The following CNTN5 variants were observed in gnomAD, a reference collection of about 807,000 sequenced individuals.
The protein encoded by CNTN5 is contactin 5, also known as contactin-5.
CNTN5 carries 77 observed loss-of-function variants against 129.1 expected under a neutral mutation model. That is an observed-to-expected ratio of 0.60 (90% CI 0.50 to 0.72). CNTN5 has a LOEUF of 0.72. CNTN5 is among the 30% of genes least tolerant of loss of function. The pLI is 0.00. For synonymous variants in CNTN5, 509 were observed against 465.6 expected (o/e 1.09, Z -1.20); for missense variants, 1,478 against 1,328.8 (o/e 1.11, Z -1.75).
At chr11:100,140,083 C>T (rs1464756091) in intron 13 of CNTN5, among the ~76,000 whole-genome samples, 2 of 152,050 alleles carry the variant, frequency 1.3e-5, no homozygotes, top group Non-Finnish European at 2.9e-5. Context: ...AAGGGCATCC[C>T]TTAACAGTGA....
intron 3 of CNTN5, among the ~76,000 whole-genome samples, chr11:99,754,001 A>T (rs917456913): frequency 2.0e-5 from 2 of 100,840 alleles, no homozygotes; most frequent in African/African-American, 6.9e-5. Flanking sequence ...AAAAAAAAAT[A>T]AATAACAACA....
chr11:100,248,481 A>G (rs1276908082), intron 16 of CNTN5, among the ~76,000 whole-genome samples: 1 of 152,074 alleles, frequency 6.6e-6, no homozygotes, highest in Non-Finnish European at 1.5e-5. Flanking sequence ...AGGAGGTCAA[A>G]GCAAGAGTGA....
At chr11:100,287,834 C>G (rs964281901) in intron 18 of CNTN5, among the ~76,000 whole-genome samples, 4 of 152,040 alleles carry the variant, frequency 2.6e-5, no homozygotes, top group Admixed American at 6.6e-5. Context: ...AGAGTCAAGA[C>G]CCATCAGTGT....
At chr11:99,045,386 A>T (rs1296642996) in intron 1 of CNTN5, among the ~76,000 whole-genome samples, 1 of 152,224 alleles carries the variant, frequency 6.6e-6, no homozygotes, top group Admixed American at 6.5e-5. Flanking sequence ...CTCAAAGCTA[A>T]CTTAAAATTA....
intron 1 of CNTN5, among the ~76,000 whole-genome samples, chr11:99,072,505 A>C (rs955254370): frequency 6.6e-6 from 1 of 152,064 alleles, no homozygotes; most frequent in African/African-American, 2.4e-5. Context: ...TTTGCATATA[A>C]AATCCCATTA....
chr11:100,142,302 C>T (rs2138261080), intron 13 of CNTN5, among the ~76,000 whole-genome samples: 1 of 152,288 alleles, frequency 6.6e-6, no homozygotes, highest in Admixed American at 6.5e-5. Context: ...CCCTCTCACA[C>T]TTCTATGTTA....
chr11:99,393,197 T>C (rs11219751), intron 2 of CNTN5, among the ~76,000 whole-genome samples: 35,646 of 151,618 alleles, frequency 0.24, 4,881 homozygotes, highest in Middle Eastern at 0.34. Context: ...TACTCAGTAG[T>C]TAAAGAAATA....
Position 99,694,232 on chromosome 11 carries a change from A to G in CNTN5, c.56-125312A>G, listed in dbSNP as rs539807282. On this transcript the variant is annotated intron_variant, in intron 3 of 24. Coordinates refer to ENST00000524871, the MANE Select transcript of CNTN5 (RefSeq NM_014361.4). ...TCGTGCTATACTTCAGGGCTGTGCAAACTTCAGACAGTGAGCCAAATCTGG... is the reference window on the plus strand; with the variant it reads ...TCGTGCTATACTTCAGGGCTGTGCAGACTTCAGACAGTGAGCCAAATCTGG... 3.3e-4 allele frequency among the ~76,000 whole-genome samples: 50 copies of G among 152,220 alleles called. 1 individual carries two copies. In the South Asian group the frequency reaches 9.3e-3, roughly 28 times the overall value.
At chr11:99,582,194 A>C (rs2510972) in intron 3 of CNTN5, among the ~76,000 whole-genome samples, 138,274 of 152,048 alleles carry the variant, frequency 0.91, 63,034 homozygotes, top group East Asian at 1. Flanking sequence ...CCGAGAGATC[A>C]GCTGTTAGTC....
At chr11:99,934,727 A>G (rs1950268256) in intron 7 of CNTN5, among the ~76,000 whole-genome samples, 2 of 151,868 alleles carry the variant, frequency 1.3e-5, no homozygotes, top group African/African-American at 4.8e-5. Flanking sequence ...TCTACTAAAA[A>G]TACAAAAATT....
At chr11:99,987,568 T>C (rs550179109) in intron 8 of CNTN5, among the ~76,000 whole-genome samples, 246 of 150,970 alleles carry the variant, frequency 1.6e-3, no homozygotes, top group Non-Finnish European at 2.7e-3. Flanking sequence ...CACATACATA[T>C]ATGCACAGAG....
intron 6 of CNTN5, among the ~76,000 whole-genome samples, chr11:99,893,441 G>A (rs970318614): frequency 6.6e-6 from 1 of 152,070 alleles, no homozygotes; most frequent in African/African-American, 2.4e-5. Flanking sequence ...AGAAAAAAAA[G>A]TTTGCGTTCA....
chr11:100,139,161 A>G (rs970108429), intron 13 of CNTN5, among the ~76,000 whole-genome samples: 1 of 152,170 alleles, frequency 6.6e-6, no homozygotes, highest in Non-Finnish European at 1.5e-5. Flanking sequence ...ACAGTTAAAT[A>G]TATACATTGG....
intron 3 of CNTN5, among the ~76,000 whole-genome samples, chr11:99,613,001 A>C (rs1950637272): frequency 6.6e-6 from 1 of 152,162 alleles, no homozygotes; most frequent in African/African-American, 2.4e-5. Context: ...CAGGTTTCAG[A>C]GTCACTTACA....
At chr11:99,827,206 G>A (rs74885755) in intron 4 of CNTN5, among the ~76,000 whole-genome samples, 1 of 152,116 alleles carries the variant, frequency 6.6e-6, no homozygotes, top group African/African-American at 2.4e-5. Flanking sequence ...TCTAACGTCA[G>A]CCTCTCTGGT....
At chr11:99,770,819 A>G (rs1050070777) in intron 3 of CNTN5, among the ~76,000 whole-genome samples, 3 of 152,154 alleles carry the variant, frequency 2.0e-5, no homozygotes, top group East Asian at 1.9e-4. Context: ...TAAAATTTGT[A>G]TGGAAACATA....
At chr11:100,139,666 T>A (rs1380903787) in intron 13 of CNTN5, among the ~76,000 whole-genome samples, 1 of 151,932 alleles carries the variant, frequency 6.6e-6, no homozygotes, top group African/African-American at 2.4e-5. Flanking sequence ...GAGTTCATGA[T>A]CAGCCTGGCC....
At chr11:99,881,531 G>C (rs752474771) in intron 6 of CNTN5, among the ~76,000 whole-genome samples, 3 of 152,096 alleles carry the variant, frequency 2.0e-5, no homozygotes, top group Non-Finnish European at 2.9e-5. Flanking sequence ...CAGCATCATT[G>C]TTCTCATATC....
intron 2 of CNTN5, among the ~76,000 whole-genome samples, chr11:99,344,913 C>T (rs893425720): frequency 5.9e-5 from 9 of 152,134 alleles, no homozygotes; most frequent in African/African-American, 2.2e-4. Context: ...ACTACCCTTA[C>T]AAGATTAGAC....
Sources: gnomAD v4.1 joint callset for allele counts (sites outside exome capture counted in the v4.1 genomes callset) on GRCh38, gnomAD v4.1.1 for gene constraint, MANE v1.5 for transcripts, NCBI Gene and HGNC (gene_info 2026-07-23, HGNC 2026-07-21) for gene names.